CDH13: variants seen among roughly 807,000 people sequenced by gnomAD.
CDH13 encodes cadherin-13.
CDH13 carries 24 observed loss-of-function variants against 63.8 expected under a neutral mutation model. The observed-to-expected ratio is 0.38, with a 90% CI of 0.27 to 0.53. The LOEUF (loss-of-function observed/expected upper bound fraction) is 0.53. Ranked by LOEUF, CDH13 falls within the 20% of genes least tolerant of loss-of-function variation. The pLI is 0.85. For synonymous variants in CDH13, 503 were observed against 355.3 expected (o/e 1.42, Z -4.67); for missense variants, 1,049 against 903.1 (o/e 1.16, Z -2.07).
intron 4 of CDH13, among the ~76,000 whole-genome samples, chr16:83,216,427 T>TATAAATAA (rs1555513897): frequency 2.2e-5 from 1 of 45,056 alleles, no homozygotes; most frequent in East Asian, 8.4e-4. Flanking sequence ...TATATATATA[T>TATAAATAA]ATATATATAT....
chr16:83,721,870 T>C (rs1909738528), intron 10 of CDH13: 1 of 152,154 alleles, frequency 6.6e-6, no homozygotes, highest in African/African-American at 2.4e-5. Flanking sequence ...TGCAAGAAGG[T>C]CAACCATCTC....
intron 1 of CDH13, among the ~76,000 whole-genome samples, chr16:82,730,291 T>C (rs2033331281): frequency 6.6e-6 from 1 of 152,202 alleles, no homozygotes; most frequent in Non-Finnish European, 1.5e-5. Context: ...TAGCTTTTGA[T>C]TTAAAGTGAG....
chr16:83,612,371 AT>A (rs139685403), intron 8 of CDH13, among the ~76,000 whole-genome samples: 3 of 150,396 alleles, frequency 2.0e-5, no homozygotes, highest in Non-Finnish European at 4.5e-5. Flanking sequence ...TCTTTCTGTC[AT>A]TTTTTTCTTT....
At chr16:83,293,784 T>G (rs1368448518) in intron 5 of CDH13, among the ~76,000 whole-genome samples, 2 of 152,226 alleles carry the variant, frequency 1.3e-5, no homozygotes, top group East Asian at 1.9e-4. Context: ...TTTGGTCATC[T>G]TAACAAAGTG....
intron 2 of CDH13, among the ~76,000 whole-genome samples, chr16:82,973,378 C>T (rs755354658): frequency 6.6e-6 from 1 of 152,156 alleles, no homozygotes; most frequent in Non-Finnish European, 1.5e-5. Flanking sequence ...TTTGGGTGTC[C>T]TTAGAAATTT....
intron 5 of CDH13, among the ~76,000 whole-genome samples, chr16:83,288,371 G>T (rs1438600051): frequency 6.6e-6 from 1 of 152,180 alleles, no homozygotes; most frequent in East Asian, 1.9e-4. Context: ...CTAGCCCAAG[G>T]TCTACATGAG....
At chr16:83,207,420 T>C (rs2039214258) in intron 4 of CDH13, among the ~76,000 whole-genome samples, 1 of 152,248 alleles carries the variant, frequency 6.6e-6, no homozygotes, top group Admixed American at 6.5e-5. Flanking sequence ...ATCTCCTTCC[T>C]TTTAAAGTCT....
intron 11 of CDH13, chr16:83,772,996 T>A (rs1213166909): frequency 6.6e-6 from 1 of 152,242 alleles, no homozygotes; most frequent in Non-Finnish European, 1.5e-5. Context: ...GATGAGCTAA[T>A]GGAAAAGTAC....
chr16:82,895,678 G>A (rs2041230409), intron 2 of CDH13, among the ~76,000 whole-genome samples: 1 of 126,296 alleles, frequency 7.9e-6, no homozygotes, highest in Non-Finnish European at 1.6e-5. Flanking sequence ...CTAGGAAAGG[G>A]ACGCCTCTCC....
chr16:82,844,850 T>C (rs544380454), intron 1 of CDH13: 1 of 151,256 alleles, frequency 6.6e-6, no homozygotes, highest in South Asian at 2.1e-4. Flanking sequence ...GGAGATGGAA[T>C]TTCACCGCGT....
At chr16:83,038,782 C>T (rs1341210595) in intron 3 of CDH13, among the ~76,000 whole-genome samples, 4 of 152,226 alleles carry the variant, frequency 2.6e-5, no homozygotes, top group Non-Finnish European at 5.9e-5. Context: ...TCAACAACTT[C>T]ATTTTCTGGC....
At chr16:83,785,514 T>C (rs80333572) in intron 13 of CDH13, among the ~76,000 whole-genome samples, 4,113 of 152,288 alleles carry the variant, frequency 0.027, 95 homozygotes, top group Non-Finnish European at 0.038. Flanking sequence ...GCATAGCAGA[T>C]ACCATGAATT....
At chr16:82,918,113 G>T (rs2042048669) in intron 2 of CDH13, among the ~76,000 whole-genome samples, 1 of 152,124 alleles carries the variant, frequency 6.6e-6, no homozygotes, top group Non-Finnish European at 1.5e-5. Flanking sequence ...CTGGTAAAAG[G>T]TGGCAGAGCA....
intron 2 of CDH13, among the ~76,000 whole-genome samples, chr16:83,019,408 G>C (rs758333811): frequency 1.3e-5 from 2 of 151,802 alleles, no homozygotes; most frequent in African/African-American, 4.8e-5. Flanking sequence ...GTTATAACAC[G>C]CATGGAGCCA....
chr16:82,704,821 A>C (rs535288909), intron 1 of CDH13, among the ~76,000 whole-genome samples: 2 of 152,314 alleles, frequency 1.3e-5, no homozygotes, highest in African/African-American at 4.8e-5. Context: ...TAATATTTAC[A>C]TCGTGGATTT....
intron 5 of CDH13, among the ~76,000 whole-genome samples, chr16:83,328,275 C>A (rs2090410912): frequency 6.6e-6 from 1 of 152,066 alleles, no homozygotes; most frequent in South Asian, 2.1e-4. Flanking sequence ...TTCTAGTTCT[C>A]AGAATTTATG....
Position 82,858,593 on chromosome 16 carries a change from T to C in CDH13, c.157+120T>C, listed in dbSNP as rs2039801080. 3 of 778,542 alleles carry C rather than the reference T, an allele frequency of 3.9e-6. No individual in the cohort carries two copies. In the East Asian group the frequency reaches 8.0e-5, roughly 21 times the overall value. 48.2% of individuals were successfully genotyped at this position (778,542 alleles called of 1,614,324 possible). A position where few individuals can be genotyped will look rare whatever the true frequency, so the allele number is the denominator to read the frequency against. On this transcript the variant is annotated intron_variant, in intron 2 of 13. Transcript: ENST00000567109. ...CTAAGTGTTTTCTGATTATTTTTCT[T>C]ATGTCACTGCTTGACCCAAAGTGGA...
intron 1 of CDH13, among the ~76,000 whole-genome samples, chr16:82,655,300 G>A (rs140071587): frequency 5.7e-4 from 87 of 152,326 alleles, no homozygotes; most frequent in African/African-American, 2.0e-3. Context: ...ACCATAAAAG[G>A]GTAAAGTGTG....
intron 8 of CDH13, among the ~76,000 whole-genome samples, chr16:83,634,479 C>A (rs1050662101): frequency 3.3e-5 from 5 of 151,376 alleles, no homozygotes; most frequent in Admixed American, 6.6e-5. Context: ...CGGCTCATTG[C>A]GACCTCCGCC....
Sources: allele counts gnomAD v4.1 joint callset (sites outside exome capture counted in the v4.1 genomes callset), GRCh38; gene constraint gnomAD v4.1.1; transcripts MANE v1.5; gene names NCBI Gene and HGNC (gene_info 2026-07-23, HGNC 2026-07-21).